SYT1: variants seen among roughly 807,000 people sequenced by gnomAD.
SYT1 encodes the protein synaptotagmin-1.
A neutral mutation model predicts 44.8 loss-of-function variants in SYT1; 8 were observed. The observed-to-expected ratio is 0.18, with a 90% CI of 0.10 to 0.32. SYT1 has a LOEUF of 0.32. SYT1 is among the 10% of genes least tolerant of loss of function. The pLI, the probability that SYT1 is intolerant of heterozygous loss-of-function variation, is 1.00. For missense variants in SYT1, 286 were observed against 509.3 expected (o/e 0.56, Z 4.22); for synonymous variants, 154 against 188.8 (o/e 0.82, Z 1.51).
At chr12:78,953,328 C>G (rs1450207406) in intron 1 of SYT1, among the ~76,000 whole-genome samples, 2 of 152,154 alleles carry the variant, frequency 1.3e-5, no homozygotes, top group South Asian at 2.1e-4. Context: ...TTCAGAGCAC[C>G]CATGCATTGC....
intron 9 of SYT1, among the ~76,000 whole-genome samples, chr12:79,378,210 A>G (rs377183984): frequency 1.1e-4 from 16 of 152,362 alleles, no homozygotes; most frequent in African/African-American, 3.4e-4. Flanking sequence ...AAGAAGCTCA[A>G]GTCTTGATTC....
At chr12:79,371,340 C>G (rs1411075568) in intron 9 of SYT1, among the ~76,000 whole-genome samples, 1 of 152,170 alleles carries the variant, frequency 6.6e-6, no homozygotes, top group East Asian at 1.9e-4. Flanking sequence ...GAAACCTCAA[C>G]TCTAGAAGAT....
chr12:79,057,663 G>A (rs1265326874), intron 3 of SYT1, among the ~76,000 whole-genome samples: 2 of 151,854 alleles, frequency 1.3e-5, no homozygotes, highest in Admixed American at 1.3e-4. Context: ...TTTGCACAAG[G>A]TAAAAATGTT....
intron 9 of SYT1, among the ~76,000 whole-genome samples, chr12:79,401,695 G>C (rs1375352118): frequency 6.9e-6 from 1 of 145,156 alleles, no homozygotes; most frequent in Non-Finnish European, 1.5e-5. Context: ...TTGGAGACAA[G>C]GTCTCACCCT....
chr12:79,207,442 A>T (rs1565855395), intron 3 of SYT1, among the ~76,000 whole-genome samples: 1 of 152,192 alleles, frequency 6.6e-6, no homozygotes, highest in African/African-American at 2.4e-5. Context: ...AACGTGTGCC[A>T]TGGTGGTTTG....
intron 3 of SYT1, among the ~76,000 whole-genome samples, chr12:79,174,393 C>T (rs182592220): frequency 5.4e-5 from 7 of 129,898 alleles, no homozygotes; most frequent in East Asian, 2.1e-4. Flanking sequence ...AATATGGTGA[C>T]GTATTCTCCT....
chr12:79,084,638 T>A (rs1306991798), intron 3 of SYT1, among the ~76,000 whole-genome samples: 1 of 152,170 alleles, frequency 6.6e-6, no homozygotes, highest in East Asian at 1.9e-4. Context: ...TCTTTATGAA[T>A]ACTAGTAGAT....
chr12:79,186,505 G>A (rs1872808996), intron 3 of SYT1, among the ~76,000 whole-genome samples: 1 of 151,926 alleles, frequency 6.6e-6, no homozygotes, highest in South Asian at 2.1e-4. Context: ...TCCTCCCCAG[G>A]TCTAGAAAGC....
chr12:79,259,836 C>T (rs542423369), intron 4 of SYT1, among the ~76,000 whole-genome samples: 1 of 152,276 alleles, frequency 6.6e-6, no homozygotes, highest in East Asian at 1.9e-4. Context: ...TTTAAAATAC[C>T]TATTATTTTT....
chr12:79,082,379 T>C (rs1877093360), intron 3 of SYT1, among the ~76,000 whole-genome samples: 1 of 152,150 alleles, frequency 6.6e-6, no homozygotes, highest in Non-Finnish European at 1.5e-5. Flanking sequence ...AATCTAATCA[T>C]TCATTTATTA....
intron 9 of SYT1, among the ~76,000 whole-genome samples, chr12:79,383,989 T>A (rs1884328433): frequency 6.6e-6 from 1 of 152,206 alleles, no homozygotes; most frequent in African/African-American, 2.4e-5. Context: ...GTATTATTTG[T>A]GTCCTAACTA....
At chr12:79,403,628 G>A (rs1384723884) in intron 9 of SYT1, among the ~76,000 whole-genome samples, 1 of 152,120 alleles carries the variant, frequency 6.6e-6, no homozygotes, top group South Asian at 2.1e-4. Context: ...TACCTCAGTG[G>A]GTTTTATTAT....
intron 1 of SYT1, among the ~76,000 whole-genome samples, chr12:78,894,486 T>C (rs1273006589): frequency 6.6e-6 from 1 of 151,194 alleles, no homozygotes; most frequent in Admixed American, 6.6e-5. Context: ...ACTTATTCTT[T>C]TACTCTGATT....
intron 2 of SYT1, among the ~76,000 whole-genome samples, chr12:78,988,059 C>T (rs61928074): frequency 0.084 from 12,783 of 151,994 alleles, 664 homozygotes; most frequent in African/African-American, 0.14. Flanking sequence ...GTTGATTCTA[C>T]GTGGTCAAGA....
intron 1 of SYT1, among the ~76,000 whole-genome samples, chr12:78,961,821 T>C (rs1879520286): frequency 6.6e-6 from 1 of 152,032 alleles, no homozygotes; most frequent in East Asian, 1.9e-4. Context: ...TGATATGTCA[T>C]ATTTTGGCAA....
intron 9 of SYT1, among the ~76,000 whole-genome samples, chr12:79,432,864 G>A (rs554201566): frequency 4.6e-5 from 7 of 152,108 alleles, no homozygotes; most frequent in East Asian, 1.9e-4. Flanking sequence ...CGCCCATCTC[G>A]GCCTCCCAAA....
chr12:79,223,636 C>A (rs1317177267), intron 4 of SYT1, among the ~76,000 whole-genome samples: 2 of 152,184 alleles, frequency 1.3e-5, no homozygotes, highest in Non-Finnish European at 2.9e-5. Flanking sequence ...AAGCCAAGGG[C>A]CACTAATGCT....
At chr12:79,102,481 C>T (rs995728112) in intron 3 of SYT1, among the ~76,000 whole-genome samples, 23 of 152,308 alleles carry the variant, frequency 1.5e-4, no homozygotes, top group South Asian at 4.1e-4. Flanking sequence ...AGCCACTCTA[C>T]GCTTTAGCCT....
At chr12:78,896,499 T>C (rs1875366054) in intron 1 of SYT1, among the ~76,000 whole-genome samples, 1 of 151,766 alleles carries the variant, frequency 6.6e-6, no homozygotes, top group South Asian at 2.1e-4. Context: ...CCCAAAATTT[T>C]ACCTGAAACA....
Sources: gnomAD v4.1 joint callset for allele counts (sites outside exome capture counted in the v4.1 genomes callset) on GRCh38, gnomAD v4.1.1 for gene constraint, MANE v1.5 for transcripts, NCBI Gene and HGNC (gene_info 2026-07-23, HGNC 2026-07-21) for gene names.